Variants in SHROOM4 observed in about 807,000 individuals in gnomAD.
SHROOM4 encodes shroom family member 4.
SHROOM4 carries 17 observed loss-of-function variants against 80.3 expected under a neutral mutation model. The ratio of observed to expected loss-of-function variants is 0.21; its 90% CI spans 0.14 to 0.32. The LOEUF (loss-of-function observed/expected upper bound fraction) is 0.32. Ranked by LOEUF, SHROOM4 falls within the 10% of genes least tolerant of loss-of-function variation. SHROOM4 has a pLI of 1.00. For missense variants in SHROOM4, 993 were observed against 1,140.3 expected (o/e 0.87, Z 1.86); for synonymous variants, 400 against 437.5 (o/e 0.91, Z 1.07).
Position 50,607,623 on chromosome X carries a change from A to C in SHROOM4, c.3519T>G (p.Ala1173=), listed in dbSNP as rs1172262048. 1 of 1,208,863 alleles carries C rather than the reference A, an allele frequency of 8.3e-7. No individual in the cohort carries two copies. Among genetic ancestry groups the C allele is most frequent in the African/African-American group, 1.8e-5 (1 of 56,910 alleles). ...YFSSETSGSC[A]LNPEEVLEQP... is the part of the protein sequence containing the mutation. Reference sequence around the variant, plus strand: ...GCTCTAGGACCTCCTCAGGATTGAGAGCACAGGAACCAGAGGTTTCTGAAC... The same window carrying C: ...GCTCTAGGACCTCCTCAGGATTGAGCGCACAGGAACCAGAGGTTTCTGAAC... The change falls in exon 6 of 9, where the codon GCT becomes GCG. Residue 1173 remains alanine, a synonymous_variant. Transcript: ENST00000376020.
chrX:50,814,103 C>T lies in SHROOM4; in HGVS notation c.-85G>A, dbSNP rs782632836. The T allele has an allele frequency of 4.7e-6, 3 of 643,924 alleles. No individual in the cohort carries two copies. Among genetic ancestry groups the T allele is most frequent in the South Asian group, 2.4e-5 (1 of 42,459 alleles). The allele number at this position is 643,924 out of a possible 1,213,427, so 53.1% of individuals were successfully genotyped here. Reference sequence around the variant, plus strand: ...CCCCAGCAGCTCCGCCACCATCGCCCTCCAGCTCTACGCCACCCCGCACCG... The same window carrying T: ...CCCCAGCAGCTCCGCCACCATCGCCTTCCAGCTCTACGCCACCCCGCACCG... On this transcript the variant is annotated 5_prime_UTR_variant, in exon 1 of 9. Transcript: ENST00000376020.
intron 1 of SHROOM4, among the ~76,000 whole-genome samples, chrX:50,805,748 C>G (rs1055150887): frequency 4.5e-5 from 5 of 111,307 alleles, no homozygotes; most frequent in Admixed American, 9.6e-5. Flanking sequence ...GTGTGGAGAG[C>G]CAAAGTAGCA....
intron 5 of SHROOM4, among the ~76,000 whole-genome samples, chrX:50,613,998 G>A (rs1720285393): frequency 8.9e-6 from 1 of 112,050 alleles, no homozygotes; most frequent in Non-Finnish European, 1.9e-5. Flanking sequence ...CAACTCAAAT[G>A]CATAGGGGAA....
intron 2 of SHROOM4, among the ~76,000 whole-genome samples, chrX:50,655,779 C>T (rs1275122265): frequency 9.1e-6 from 1 of 109,542 alleles, no homozygotes; most frequent in Non-Finnish European, 1.9e-5. Flanking sequence ...TAGATATATA[C>T]CCAGAAGTAG....
Position 50,779,936 on chromosome X carries a change from G to A in SHROOM4, c.117+33966C>T, listed in dbSNP as rs782773196. Among the ~76,000 whole-genome samples the A allele has an allele frequency of 4.5e-5, 5 of 111,469 alleles. No homozygotes were observed. The East Asian group carries it at 1.1e-3, about 25-fold the overall frequency. On this transcript the variant is annotated intron_variant, in intron 1 of 8. Coordinates refer to ENST00000376020, the MANE Select transcript of SHROOM4 (RefSeq NM_020717.5). ...TCTTCCAAATTCATAGCAAGCGGTG[G>A]CAGCATCTAGTGGAGAGAATAGGCC...
At chrX:50,684,151 C>A (rs1933005221) in intron 2 of SHROOM4, among the ~76,000 whole-genome samples, 1 of 111,826 alleles carries the variant, frequency 8.9e-6, no homozygotes, top group African/African-American at 3.3e-5. Flanking sequence ...GAGACAGAGC[C>A]TTTGCAGATG....
rs782180821 is a variant in SHROOM4 at position 50,589,596 on chromosome X, T to C, written c.*7099A>G. On this transcript the variant is annotated 3_prime_UTR_variant, in exon 9 of 9. Transcript: ENST00000376020. ...ATTTTCAAGGTTCATCAATGTTACATGTATCAGTATTTTATCCATTTTTAT... is the reference window on the plus strand; with the variant it reads ...ATTTTCAAGGTTCATCAATGTTACACGTATCAGTATTTTATCCATTTTTAT... Among the ~76,000 whole-genome samples the C allele has an allele frequency of 2.7e-5, 3 of 112,119 alleles. No individual in the cohort carries two copies. The Admixed American group carries it at 2.8e-4, about 11-fold the overall frequency.
Position 50,607,507 on chromosome X carries a change from G to A in SHROOM4, c.3635C>T (p.Ser1212Phe), listed in dbSNP as rs781974666. The change falls in exon 6 of 9, where the codon TCC becomes TTC. Residue 1212 changes from serine to phenylalanine, a missense_variant. Transcript: ENST00000376020. Reference protein sequence around the residue: ...PAEQESFALHSSDFLPPIRGH... With the variant: ...PAEQESFALHFSDFLPPIRGH... ...CCTTATTGGAGGCAAGAAATCACTG[G>A]AATGGAGTGCAAAGGATTCTTGCTC... The A allele has an allele frequency of 8.3e-7, 1 of 1,211,485 alleles. No individual in the cohort carries two copies.
At chrX:50,757,959 T>G (rs1445526697) in intron 1 of SHROOM4, among the ~76,000 whole-genome samples, 1 of 111,800 alleles carries the variant, frequency 8.9e-6, no homozygotes, top group Non-Finnish European at 1.9e-5. Context: ...CTTATTTAAG[T>G]CTTTCTTTTC....
intron 1 of SHROOM4, among the ~76,000 whole-genome samples, chrX:50,786,455 G>A (rs782548510): frequency 3.9e-4 from 44 of 112,083 alleles, no homozygotes; most frequent in Non-Finnish European, 7.0e-4. Flanking sequence ...AACCTTTTTT[G>A]TGGGGGATGC....
At chrX:50,609,412 G>T (rs1434959938) in intron 5 of SHROOM4, among the ~76,000 whole-genome samples, 4 of 111,173 alleles carry the variant, frequency 3.6e-5, no homozygotes, top group African/African-American at 1.3e-4. Flanking sequence ...AATGGGGAAG[G>T]GGGTAAGTAA....
At chrX:50,788,191 G>A (rs1935785070) in intron 1 of SHROOM4, among the ~76,000 whole-genome samples, 1 of 111,791 alleles carries the variant, frequency 8.9e-6, no homozygotes, top group Non-Finnish European at 1.9e-5. Flanking sequence ...AGCATAAAGT[G>A]TGTGAAGGGG....
intron 2 of SHROOM4, among the ~76,000 whole-genome samples, chrX:50,695,116 T>G (rs1409315607): frequency 9.0e-6 from 1 of 110,922 alleles, no homozygotes; most frequent in Admixed American, 9.6e-5. Flanking sequence ...CCACTGCACT[T>G]ACCTGCAATG....
intron 2 of SHROOM4, among the ~76,000 whole-genome samples, chrX:50,654,882 A>G (rs1182230272): frequency 9.4e-6 from 1 of 106,019 alleles, no homozygotes; most frequent in Non-Finnish European, 1.9e-5. Context: ...AATGATCCCA[A>G]CACCTGGGTA....
At chrX:50,597,470 G>A (rs1212326790) in intron 8 of SHROOM4, among the ~76,000 whole-genome samples, 1 of 111,510 alleles carries the variant, frequency 9.0e-6, no homozygotes, top group African/African-American at 3.3e-5. Flanking sequence ...TGCAATTTTG[G>A]TTCAGGAGTA....
intron 1 of SHROOM4, among the ~76,000 whole-genome samples, chrX:50,743,790 GGCAGGTGCTA>G (rs1934718811): frequency 8.9e-6 from 1 of 111,835 alleles, no homozygotes; most frequent in African/African-American, 3.3e-5. Context: ...TTTCTCATAA[GGCAGGTGCTA>G]GCAACACATT....
intron 1 of SHROOM4, among the ~76,000 whole-genome samples, chrX:50,762,091 A>G (rs1439585682): frequency 9.0e-6 from 1 of 111,714 alleles, no homozygotes; most frequent in African/African-American, 3.3e-5. Flanking sequence ...TTTTATTTTC[A>G]TATATATTTT....
intron 4 of SHROOM4, among the ~76,000 whole-genome samples, chrX:50,630,190 T>C (rs1317073864): frequency 9.0e-6 from 1 of 110,818 alleles, no homozygotes; most frequent in Non-Finnish European, 1.9e-5. Flanking sequence ...GAGCTGCTGG[T>C]CCTGGGCTGA....
At chrX:50,637,234 G>A (rs979258057) in intron 3 of SHROOM4, among the ~76,000 whole-genome samples, 23 of 111,789 alleles carry the variant, frequency 2.1e-4, no homozygotes, top group Non-Finnish European at 4.1e-4. Flanking sequence ...TCTCAGAAAG[G>A]CCATAGTCTA....
Sources: allele counts gnomAD v4.1 joint callset (sites outside exome capture counted in the v4.1 genomes callset), GRCh38; gene constraint gnomAD v4.1.1; transcripts MANE v1.5; gene names NCBI Gene and HGNC (gene_info 2026-07-23, HGNC 2026-07-21).